The following CLCN7 variants were observed in gnomAD, a reference collection of about 807,000 sequenced individuals.
CLCN7 encodes the protein Cl-/H+ antiporter 7.
A neutral mutation model predicts 102.1 loss-of-function variants in CLCN7; 60 were observed. The ratio of observed to expected loss-of-function variants is 0.59; its 90% confidence interval spans 0.48 to 0.73. The LOEUF (loss-of-function observed/expected upper bound fraction) is 0.73, where lower values mean the gene tolerates loss of function less well. Among genes scored for constraint, CLCN7 ranks in the 30% least tolerant of loss-of-function variants. The pLI is 0.00. For missense variants in CLCN7, 962 were observed against 1,125.7 expected (o/e 0.85, Z 2.08); for synonymous variants, 560 against 490.5 (o/e 1.14, Z -1.87).
At chr16:1,455,931 G>C in intron 10 of CLCN7, 136 bp from the exon 11 acceptor site, 1 of 1,060,700 alleles carries the variant, frequency 9.4e-7, no homozygotes, top group Non-Finnish European at 1.4e-6. Context: ...GCCACACAGA[G>C]AGGGACCCTG....
intron 1 of CLCN7, among the ~76,000 whole-genome samples, chr16:1,466,247 G>A (rs1047655828): frequency 1.3e-5 from 2 of 152,230 alleles, no homozygotes; most frequent in African/African-American, 4.8e-5. Flanking sequence ...CGAGGCTGCC[G>A]CCCGCCTTCC....
rs527600278 is a variant in CLCN7 at position 1,446,121 on chromosome 16, C to T, written c.*510G>A. 3.3e-6 allele frequency: 2 copies of T among 598,460 alleles called. No homozygotes were observed. The highest frequency in any genetic ancestry group is 5.9e-6 in the Non-Finnish European group (2 of 336,856). The allele number at this position is 598,460 out of a possible 1,614,324, so 37.1% of individuals were successfully genotyped here. ...CAAACCCTGGTGCTACGAGTCCGTGCCTCAGGCCCAGGGACCACAGGCCGT... is the reference window on the plus strand; with the variant it reads ...CAAACCCTGGTGCTACGAGTCCGTGTCTCAGGCCCAGGGACCACAGGCCGT... On this transcript the variant is annotated 3_prime_UTR_variant, in exon 25 of 25. Transcript: ENST00000382745.
chr16:1,462,636 C>A (rs1476342816), intron 2 of CLCN7, among the ~76,000 whole-genome samples: 3 of 127,140 alleles, frequency 2.4e-5, no homozygotes, highest in Admixed American at 9.0e-5. Flanking sequence ...CTGGGCAACA[C>A]AGTGAGACCC....
chr16:1,474,625 G>A (rs959318715), intron 1 of CLCN7, among the ~76,000 whole-genome samples: 3 of 152,054 alleles, frequency 2.0e-5, no homozygotes, highest in African/African-American at 4.8e-5. Context: ...CCCGGCCACC[G>A]AGCCCGGCGC....
At chr16:1,446,893 CG>C in intron 24 of CLCN7, 112 bp downstream of exon 24, 1 of 1,190,726 alleles carries the variant, frequency 8.4e-7, no homozygotes, top group Non-Finnish European at 1.2e-6. Context: ...TGGGCCGACT[CG>C]GTGCTGGGTC....
chr16:1,452,390 G>A (rs751797321), intron 15 of CLCN7: 8 of 317,566 alleles, frequency 2.5e-5, no homozygotes, highest in Admixed American at 4.5e-5. Flanking sequence ...CACGGACGGC[G>A]GTGAGCCGTG....
intron 16 of CLCN7, among the ~76,000 whole-genome samples, chr16:1,451,397 T>G (rs1341506661): frequency 6.6e-6 from 1 of 152,014 alleles, no homozygotes; most frequent in Non-Finnish European, 1.5e-5. Context: ...AAAGACAGAG[T>G]CTCGCTAAGT....
intron 1 of CLCN7, among the ~76,000 whole-genome samples, chr16:1,470,532 G>A (rs527892231): frequency 4.7e-4 from 71 of 152,344 alleles, no homozygotes; most frequent in Non-Finnish European, 8.4e-4. Context: ...AGACCAAGGA[G>A]AGGCCTTTGC....
At chr16:1,451,822 G>C in intron 15 of CLCN7, 106 bp from the exon 16 acceptor site, 1 of 896,892 alleles carries the variant, frequency 1.1e-6, no homozygotes, top group East Asian at 2.7e-5. Context: ...TGCCTGGCCA[G>C]CATCAGGCGC....
rs376136801 is a variant in CLCN7, at chr16:1,457,302, G to A, written c.774C>T (p.Ala258=). ...TTGACCTTCCCTGAGAGATCCCGGC[G>A]GCAATCACTGAACCTGAGTGGATCA... ...GPMIHSGSVI[A]AGISQGRSTS... The change falls in exon 9 of 25, where the codon GCC becomes GCT. Residue 258 remains alanine (A), a synonymous_variant. Transcript: ENST00000382745. The surrounding 1 kb of genome is among the most constrained non-coding windows in gnomAD (Gnocchi z 5.4). The A allele has an allele frequency of 3.7e-5, 60 of 1,614,046 alleles. No individual in the cohort carries two copies. Among genetic ancestry groups the A allele is most frequent in the South Asian group, 2.7e-4 (25 of 91,090 alleles).
intron 16 of CLCN7, 78 bp downstream of exon 16, chr16:1,451,545 C>T (rs2038750801): frequency 7.8e-7 from 1 of 1,286,972 alleles, no homozygotes; most frequent in Admixed American, 1.8e-5. Flanking sequence ...CAACCTCAGC[C>T]CACAGGGGAC....
At chr16:1,460,703 G>C in intron 5 of CLCN7, 113 bp downstream of exon 5, 1 of 1,524,068 alleles carries the variant, frequency 6.6e-7, no homozygotes, top group Non-Finnish European at 9.0e-7. Context: ...CAGCCAGCCT[G>C]GCCGGGCCGC....
At chr16:1,448,658 C>G (rs746266169) in intron 20 of CLCN7, 23 bp downstream of exon 20, 9 of 1,611,766 alleles carry the variant, frequency 5.6e-6, no homozygotes, top group Non-Finnish European at 5.9e-6. Flanking sequence ...CCTCCCCACC[C>G]ACAGGTGTCC....
chr16:1,468,670 G>A (rs2039037097), intron 1 of CLCN7, among the ~76,000 whole-genome samples: 1 of 152,122 alleles, frequency 6.6e-6, no homozygotes, highest in Non-Finnish European at 1.5e-5. Context: ...CCGGACGGGA[G>A]GCGAGGTCAT....
Position 1,445,883 on chromosome 16 carries a change from C to A in CLCN7, c.*748G>T. ...CAGGGCTGGGTGTGGGGCCCAGACTCCAAGCTCTGGGGGTTGGGGGACCAA... is the reference window on the plus strand; with the variant it reads ...CAGGGCTGGGTGTGGGGCCCAGACTACAAGCTCTGGGGGTTGGGGGACCAA... On this transcript the variant is annotated 3_prime_UTR_variant, in exon 25 of 25. Transcript: ENST00000382745. The A allele has an allele frequency of 4.9e-6, 1 of 205,040 alleles. No homozygotes were observed. The highest frequency in any genetic ancestry group is 1.0e-4 in the South Asian group (1 of 9,858). The allele number at this position is 205,040 out of a possible 1,614,324, so 12.7% of individuals were successfully genotyped here.
intron 10 of CLCN7, 151 bp downstream of exon 10, chr16:1,455,962 C>T: frequency 1.0e-6 from 1 of 968,258 alleles, no homozygotes; most frequent in Non-Finnish European, 1.6e-6. Flanking sequence ...GAGGGCTGGA[C>T]CCAAGTACAC....
At chr16:1,473,370 CTT>C (rs779736867) in intron 1 of CLCN7, among the ~76,000 whole-genome samples, 4 of 76,696 alleles carry the variant, frequency 5.2e-5, no homozygotes, top group Admixed American at 3.6e-4. Flanking sequence ...CCTTCCTAAA[CTT>C]TTTTTTTTTT....
intron 12 of CLCN7, 105 bp downstream of exon 12, chr16:1,455,029 T>C (rs2038811954): frequency 1.3e-6 from 1 of 781,076 alleles, no homozygotes; most frequent in Non-Finnish European, 2.3e-6. Context: ...TCCACAGCTA[T>C]CAACCAGAGT....
chr16:1,470,945 G>A (rs990659328), intron 1 of CLCN7, among the ~76,000 whole-genome samples: 2 of 152,182 alleles, frequency 1.3e-5, no homozygotes, highest in African/African-American at 4.8e-5. Context: ...AGACCCAAGT[G>A]TTTCTGGCTC....
Sources: allele counts gnomAD v4.1 joint callset (sites outside exome capture counted in the v4.1 genomes callset), GRCh38; gene constraint gnomAD v4.1.1; non-coding constraint Gnocchi (gnomAD v3.1); transcripts MANE v1.5; gene names NCBI Gene and HGNC (gene_info 2026-07-23, HGNC 2026-07-21).